Variants in BDP1 observed in about 807,000 individuals in gnomAD.
BDP1 encodes transcription factor TFIIIB component B'' homolog.
A neutral mutation model predicts 266.6 loss-of-function variants in BDP1; 169 were observed. That is an observed-to-expected ratio of 0.63 (90% confidence interval 0.56 to 0.72). The LOEUF (loss-of-function observed/expected upper bound fraction) is 0.72. Ranked by LOEUF, BDP1 falls within the 30% of genes least tolerant of loss-of-function variation. The pLI is 0.00. For missense variants in BDP1, 3,015 were observed against 3,053.8 expected (o/e 0.99, Z 0.30); for synonymous variants, 1,090 against 1,022.4 (o/e 1.07, Z -1.26).
chr5:71,455,741 C>G lies in BDP1; in HGVS notation c.-137C>G. ...AGGAGGCGGCGGCGGGGCAGTGAAA[C>G]TACGGTAGCTGCCCCCTGAGCTGGT... is the stretch of plus-strand genomic sequence containing the variant. On this transcript the variant is annotated 5_prime_UTR_variant, in exon 1 of 39. Transcript: ENST00000358731. The G allele has an allele frequency of 2.7e-6, 2 of 737,308 alleles. No homozygotes were observed. Among genetic ancestry groups the G allele is most frequent in the Non-Finnish European group, 4.4e-6 (2 of 455,750 alleles). 45.7% of individuals were successfully genotyped at this position (737,308 alleles called of 1,614,324 possible).
At position 71,567,307 on chromosome 5, in the gene BDP1, A is replaced by G. The variant is rs1744092122; in HGVS notation, c.*2422A>G. On this transcript the variant is annotated 3_prime_UTR_variant, in exon 39 of 39. Coordinates refer to ENST00000358731, the MANE Select transcript of BDP1 (RefSeq NM_018429.3). ...CTATAATGAGCTAGTTTTATGGAAA[A>G]TGGAATTTCTTACTATATAAAGAAT... The G allele has an allele frequency of 6.6e-6, 1 of 152,188 alleles. No individual in the cohort carries two copies. Among genetic ancestry groups the G allele is most frequent in the African/African-American group, 2.4e-5 (1 of 41,452 alleles). The allele number at this position is 152,188 out of a possible 1,614,324, so 9.4% of individuals were successfully genotyped here.
chr5:71,502,813 C>CA (rs760099783), intron 15 of BDP1, 22 bp downstream of exon 15: 3 of 1,594,386 alleles, frequency 1.9e-6, no homozygotes, highest in Non-Finnish European at 2.6e-6. Flanking sequence ...GATTCCTCCT[C>CA]ACATTTTTGG....
chr5:71,562,767 T>C (rs2112117328), intron 38 of BDP1: 1 of 1,392,270 alleles, frequency 7.2e-7, no homozygotes, highest in Middle Eastern at 1.9e-4. Context: ...GCCATTCCTT[T>C]AATCTAGAGA....
Position 71,545,025 on chromosome 5 carries a change from A to T in BDP1, c.6564-14A>T. ...CCTGATTTCAAATGACATGCATGCT[A>T]AACTCTCTTTCAGAAACGAAAATCA... On this transcript the variant is annotated splice_polypyrimidine_tract_variant and intron_variant, in intron 31 of 38. Coordinates refer to ENST00000358731, the MANE Select transcript of BDP1 (RefSeq NM_018429.3). The T allele has an allele frequency of 6.2e-7, 1 of 1,612,040 alleles. No individual in the cohort carries two copies. The highest frequency in any genetic ancestry group is 2.2e-5 in the East Asian group (1 of 44,890).
At chr5:71,542,517 A>G (rs1767032627) in intron 30 of BDP1, among the ~76,000 whole-genome samples, 1 of 151,608 alleles carries the variant, frequency 6.6e-6, no homozygotes, top group African/African-American at 2.4e-5. Context: ...TCTTTCTCTC[A>G]TTCTCTCTCT....
intron 9 of BDP1, among the ~76,000 whole-genome samples, chr5:71,487,701 TCCAC>T (rs1763351107): frequency 6.6e-6 from 1 of 152,170 alleles, no homozygotes; most frequent in South Asian, 2.1e-4. Context: ...GGTTCGATTA[TCCAC>T]TAGGAAGACT....
At chr5:71,571,403 C>A (rs1744259565), downstream of BDP1, among the ~76,000 whole-genome samples, 1 of 152,220 alleles carries the variant, frequency 6.6e-6, no homozygotes, top group African/African-American at 2.4e-5. Flanking sequence ...CCGCCTCGGC[C>A]TCCCAAAGTT....
chr5:71,523,566 G>A (rs1478309397), intron 24 of BDP1, among the ~76,000 whole-genome samples: 2 of 152,240 alleles, frequency 1.3e-5, no homozygotes, highest in African/African-American at 4.8e-5. Flanking sequence ...TGCCTGCCTC[G>A]TCCTCCCAAA....
intron 38 of BDP1, 162 bp downstream of exon 38, chr5:71,562,682 A>C: frequency 6.7e-7 from 1 of 1,484,834 alleles, no homozygotes; most frequent in Non-Finnish European, 9.0e-7. Context: ...ATGGAAGAAG[A>C]AAAGGTGTTG....
In BDP1 at chr5:71,529,722, A is replaced by G. The variant is rs554058847; in HGVS notation, c.5773-2586A>G. 3.9e-5 allele frequency among the ~76,000 whole-genome samples: 6 copies of G among 152,332 alleles called. No individual in the cohort carries two copies. The East Asian group carries it at 1.2e-3, about 29-fold the overall frequency. ...ACAATGGAATGTTTTTCAGCCCTAAAGGGATATAAAGTGTTGATATGTGTC... is the reference window on the plus strand; with the variant it reads ...ACAATGGAATGTTTTTCAGCCCTAAGGGGATATAAAGTGTTGATATGTGTC... On this transcript the variant is annotated intron_variant, in intron 25 of 38. Coordinates refer to ENST00000358731, the MANE Select transcript of BDP1 (RefSeq NM_018429.3).
intron 32 of BDP1, 124 bp downstream of exon 32, chr5:71,545,343 T>C (rs1742207857): frequency 1.0e-6 from 1 of 974,018 alleles, no homozygotes; most frequent in Non-Finnish European, 1.5e-6. Flanking sequence ...ATTTCTTCTT[T>C]TTTTTTTGGA....
intron 13 of BDP1, among the ~76,000 whole-genome samples, chr5:71,500,254 A>G (rs1272928678): frequency 6.6e-6 from 1 of 151,726 alleles, no homozygotes; most frequent in African/African-American, 2.4e-5. Context: ...AAAAGTTAAA[A>G]CAAAAATTAC....
intron 10 of BDP1, among the ~76,000 whole-genome samples, chr5:71,490,733 T>G (rs1763534576): frequency 6.6e-6 from 1 of 152,150 alleles, no homozygotes; most frequent in Non-Finnish European, 1.5e-5. Context: ...ACATATAAAA[T>G]AAGCCACTTT....
chr5:71,552,450 T>G (rs1742888821), intron 34 of BDP1, among the ~76,000 whole-genome samples: 1 of 152,192 alleles, frequency 6.6e-6, no homozygotes, highest in East Asian at 1.9e-4. Flanking sequence ...TCTCGGCACT[T>G]TGGGAGGCCA....
intron 26 of BDP1, among the ~76,000 whole-genome samples, chr5:71,535,738 C>T (rs1022403857): frequency 1.1e-4 from 17 of 152,146 alleles, no homozygotes; most frequent in Admixed American, 7.2e-4. Flanking sequence ...TGGTGGTAGC[C>T]GGCAGTCCTT....
chr5:71,575,424 G>T, the BDP1 span, among the ~76,000 whole-genome samples: 1 of 152,202 alleles, frequency 6.6e-6, no homozygotes, highest in Non-Finnish European at 1.5e-5. Context: ...TCAGCAGCTA[G>T]TAAAAGAACA....
At chr5:71,471,269 A>G (rs1762232666) in intron 7 of BDP1, among the ~76,000 whole-genome samples, 1 of 148,898 alleles carries the variant, frequency 6.7e-6, no homozygotes, top group Non-Finnish European at 1.5e-5. Flanking sequence ...CAGCCTCCCT[A>G]GTAGCTAGGA....
intron 2 of BDP1, among the ~76,000 whole-genome samples, chr5:71,460,018 C>T (rs759075934): frequency 6.6e-6 from 1 of 152,194 alleles, no homozygotes; most frequent in African/African-American, 2.4e-5. Flanking sequence ...AAGAGATGCT[C>T]AACCTCTATC....
chr5:71,513,267 A>G lies in BDP1; in HGVS notation c.4330A>G (p.Asn1444Asp). The G allele has an allele frequency of 6.2e-7, 1 of 1,613,682 alleles. No individual in the cohort carries two copies. The highest frequency in any genetic ancestry group is 8.5e-7 in the Non-Finnish European group (1 of 1,179,950). ...GAGCCGATTCAAAAGACCAAAACCA[A>G]ACTTAGCAAGAGCAGCTTTGAAGAG... ...VRSRFKRPKP[N>D]LARAALKRET... Residue 1444 changes from asparagine to aspartate, a missense_variant, in exon 19 of 39, where the codon AAC becomes GAC. Asn to Asp is a conservative substitution (Grantham distance 23). Around this residue, in one of 3 missense-constraint regions of BDP1, gnomAD observed 2,383 missense variants for 2,404.9 expected, o/e 0.99. Coordinates refer to ENST00000358731, the MANE Select transcript of BDP1 (RefSeq NM_018429.3).
Sources: allele counts gnomAD v4.1 joint callset (sites outside exome capture counted in the v4.1 genomes callset), GRCh38; gene constraint gnomAD v4.1.1; regional missense constraint gnomAD v4.1.1; transcripts MANE v1.5; gene names NCBI Gene and HGNC (gene_info 2026-07-23, HGNC 2026-07-21).